The following OCLN variants were observed in gnomAD, a reference collection of about 807,000 sequenced individuals.
OCLN encodes the protein occludin, also known as phosphatase 1, regulatory subunit 115.
Under a neutral mutation model 47.9 loss-of-function variants are expected in OCLN, and 21 were observed. The observed-to-expected ratio is 0.44, with a 90% CI of 0.31 to 0.63. OCLN has a LOEUF of 0.63. OCLN is among the 30% of genes least tolerant of loss of function. The pLI, the probability that OCLN is intolerant of heterozygous loss-of-function variation, is 0.08. For missense variants in OCLN, 360 were observed against 571.0 expected (o/e 0.63, Z 3.77); for synonymous variants, 117 against 198.4 (o/e 0.59, Z 3.45).
At chr5:69,523,994 C>A (rs921402752) in intron 4 of OCLN, among the ~76,000 whole-genome samples, 2 of 151,602 alleles carry the variant, frequency 1.3e-5, no homozygotes, top group African/African-American at 4.8e-5. Flanking sequence ...ACTGAAAATA[C>A]AAAAATTAGC....
rs538263536 is a variant in OCLN, at chr5:69,532,638, A to T, written c.892-2056A>T. Among the ~76,000 whole-genome samples the T allele has an allele frequency of 2.0e-5, 3 of 152,194 alleles. No individual in the cohort carries two copies. The East Asian group carries it at 5.8e-4, about 29-fold the overall frequency. On this transcript the variant is annotated intron_variant, in intron 4 of 8. Coordinates refer to ENST00000396442, the MANE Select transcript of OCLN (RefSeq NM_001205254.2). ...TAATAATTTAAAGGCTATTAGGTAA[A>T]ATGTCAAGAGTGTTGGAGCTGTTAC...
At chr5:69,500,164 C>T (rs538984298) in intron 1 of OCLN, among the ~76,000 whole-genome samples, 1 of 152,284 alleles carries the variant, frequency 6.6e-6, no homozygotes, top group African/African-American at 2.4e-5. Flanking sequence ...CAGTGGAGAC[C>T]TCCCACCAGG....
chr5:69,518,174 T>C (rs745531250), intron 4 of OCLN, among the ~76,000 whole-genome samples: 5 of 152,336 alleles, frequency 3.3e-5, no homozygotes, highest in Middle Eastern at 3.4e-3. Flanking sequence ...AAGAACTACT[T>C]AGCTTTTAAG....
At chr5:69,507,675 G>A (rs912745069) in intron 2 of OCLN, among the ~76,000 whole-genome samples, 6 of 151,344 alleles carry the variant, frequency 4.0e-5, no homozygotes, top group African/African-American at 9.7e-5. Flanking sequence ...GCACGGTCTC[G>A]GCTTACTGCA....
chr5:69,504,994 A>T (rs1768559227), intron 2 of OCLN, among the ~76,000 whole-genome samples: 1 of 152,132 alleles, frequency 6.6e-6, no homozygotes, highest in Non-Finnish European at 1.5e-5. Context: ...TCATGCCTGT[A>T]ATCCCAGCAC....
chr5:69,496,215 C>T (rs1326242846), intron 1 of OCLN, among the ~76,000 whole-genome samples: 3 of 151,960 alleles, frequency 2.0e-5, no homozygotes, highest in Non-Finnish European at 2.9e-5. Context: ...TCTCCTGCCT[C>T]GGCCTCCCGA....
intron 4 of OCLN, among the ~76,000 whole-genome samples, chr5:69,529,017 G>A (rs1192200268): frequency 6.6e-6 from 1 of 152,182 alleles, no homozygotes; most frequent in Non-Finnish European, 1.5e-5. Flanking sequence ...ATTGATCTAA[G>A]TGGGGATAAG....
At chr5:69,505,153 G>A (rs1768564169) in intron 2 of OCLN, among the ~76,000 whole-genome samples, 1 of 152,166 alleles carries the variant, frequency 6.6e-6, no homozygotes, top group African/African-American at 2.4e-5. Context: ...GGGAGGCTGA[G>A]ACAGGAGAAT....
rs1482079866 is a variant in OCLN at position 69,493,540 on chromosome 5, G to A, written c.-69+640G>A. ...TGAACCCGCGTCGATTTAAGCTGGG[G>A]GGCGGGGAGTTAATTTCGAGTGAGG... On this transcript the variant is annotated intron_variant, in intron 1 of 8. Coordinates refer to ENST00000396442, the MANE Select transcript of OCLN (RefSeq NM_001205254.2). The surrounding 1 kb of genome is among the most constrained non-coding windows in gnomAD (Gnocchi z 5.3). Among the ~76,000 whole-genome samples, 1 of 152,206 alleles carries A rather than the reference G, an allele frequency of 6.6e-6. No individual in the cohort carries two copies. The highest frequency in any genetic ancestry group is 2.4e-5 in the African/African-American group (1 of 41,464).
At chr5:69,512,673 C>T (rs1424066430) in intron 3 of OCLN, among the ~76,000 whole-genome samples, 4 of 152,258 alleles carry the variant, frequency 2.6e-5, no homozygotes, top group South Asian at 2.1e-4. Flanking sequence ...TCTTCTGATT[C>T]ATGAACGTAA....
At chr5:69,513,869 G>A in intron 3 of OCLN, 79 bp from the exon 4 acceptor site, 1 of 1,236,700 alleles carries the variant, frequency 8.1e-7, no homozygotes, top group Non-Finnish European at 1.2e-6. Context: ...GTAGATAAGG[G>A]TTTTAATAAT....
At chr5:69,504,449 A>T (rs1217190197) in intron 2 of OCLN, among the ~76,000 whole-genome samples, 155 bp downstream of exon 2, 2 of 152,182 alleles carry the variant, frequency 1.3e-5, no homozygotes, top group African/African-American at 4.8e-5. Flanking sequence ...TGAAAACTGA[A>T]TTTCTCTCAA....
intron 1 of OCLN, among the ~76,000 whole-genome samples, chr5:69,501,093 T>G (rs975416599): frequency 2.6e-5 from 4 of 152,092 alleles, no homozygotes; most frequent in African/African-American, 9.7e-5. Context: ...ATTTTTGTAT[T>G]TTTAGTAGAG....
At chr5:69,499,386 A>AT (rs909141928) in intron 1 of OCLN, among the ~76,000 whole-genome samples, 5 of 151,240 alleles carry the variant, frequency 3.3e-5, no homozygotes, top group Non-Finnish European at 7.4e-5. Flanking sequence ...GTAATTTTTA[A>AT]TTTTTTTTTC....
At chr5:69,510,410 G>GCTA (rs1768746094) in intron 3 of OCLN, among the ~76,000 whole-genome samples, 1 of 152,072 alleles carries the variant, frequency 6.6e-6, no homozygotes, top group African/African-American at 2.4e-5. Context: ...GACTGGGCAC[G>GCTA]GTGGCTCATG....
At chr5:69,548,942 C>CA (rs1211806393) in intron 7 of OCLN, among the ~76,000 whole-genome samples, 2 of 149,746 alleles carry the variant, frequency 1.3e-5, no homozygotes, top group Non-Finnish European at 3.0e-5. Context: ...GCCTGGGCGA[C>CA]AGAGTGAGAC....
chr5:69,523,742 G>A (rs1392389990), intron 4 of OCLN, among the ~76,000 whole-genome samples: 1 of 151,914 alleles, frequency 6.6e-6, no homozygotes, highest in Non-Finnish European at 1.5e-5. Context: ...TGCCACGTTG[G>A]CCAGGCTGGT....
chr5:69,516,193 C>G (rs1167956713), intron 4 of OCLN, among the ~76,000 whole-genome samples: 1 of 152,088 alleles, frequency 6.6e-6, no homozygotes, highest in African/African-American at 2.4e-5. Flanking sequence ...CCACTGCACT[C>G]CAGCCTGGGC....
chr5:69,549,864 T>C (rs1203301527), intron 7 of OCLN, among the ~76,000 whole-genome samples: 1 of 151,538 alleles, frequency 6.6e-6, no homozygotes, highest in Admixed American at 6.6e-5. Flanking sequence ...TTGGGAACTT[T>C]CAGTTGCTTC....
Sources: gnomAD v4.1 joint callset for allele counts (sites outside exome capture counted in the v4.1 genomes callset) on GRCh38, gnomAD v4.1.1 for gene constraint, Gnocchi (gnomAD v3.1) non-coding constraint, MANE v1.5 for transcripts, NCBI Gene and HGNC (gene_info 2026-07-23, HGNC 2026-07-21) for gene names.